TANC1: variants seen among roughly 807,000 people sequenced by gnomAD.
The protein encoded by TANC1 is tetratricopeptide repeat, ankyrin repeat and coiled-coil containing 1, also known as protein TANC1.
In TANC1, 77 loss-of-function variants were observed where a neutral mutation model predicts 149.7. That is an observed-to-expected ratio of 0.51 (90% confidence interval 0.43 to 0.62). The LOEUF is 0.62. TANC1 is among the 20% of genes least tolerant of loss of function. TANC1 has a pLI of 0.00. For missense variants in TANC1, 1,985 were observed against 2,321.8 expected (o/e 0.85, Z 2.98); for synonymous variants, 854 against 925.0 (o/e 0.92, Z 1.39).
At chr2:159,163,014 G>A (rs2054199575) in intron 7 of TANC1, among the ~76,000 whole-genome samples, 1 of 152,192 alleles carries the variant, frequency 6.6e-6, no homozygotes, top group African/African-American at 2.4e-5. Context: ...TCTTAACTCT[G>A]ATACTTTTTA....
intron 15 of TANC1, 151 bp downstream of exon 15, chr2:159,186,050 T>C: frequency 1.6e-6 from 1 of 635,036 alleles, no homozygotes; most frequent in Non-Finnish European, 2.8e-6. Context: ...TCTCCAAAAG[T>C]AACCGCTGTT....
chr2:159,176,606 T>C, intron 13 of TANC1, 88 bp downstream of exon 13: 1 of 1,032,896 alleles, frequency 9.7e-7, no homozygotes, highest in Non-Finnish European at 1.4e-6. Flanking sequence ...TTGTAAACCA[T>C]TCAGCTGCTT....
Position 159,024,666 on chromosome 2 carries a change from G to A in TANC1, c.-16+23477G>A, listed in dbSNP as rs555783106. 2.9e-4 allele frequency among the ~76,000 whole-genome samples: 44 copies of A among 151,740 alleles called. No homozygotes were observed. In the South Asian group the frequency reaches 4.4e-3, roughly 15 times the overall value. On this transcript the variant is annotated intron_variant, in intron 2 of 26. Coordinates refer to ENST00000263635, the MANE Select transcript of TANC1 (RefSeq NM_033394.3). ...CTCAGGAGGCTGAGGCAGGAGAATC[G>A]CTTGAATCCGGGAGGCAGAGGCTGT...
At chr2:159,202,664 T>C (rs1282369511) in intron 19 of TANC1, among the ~76,000 whole-genome samples, 1 of 152,070 alleles carries the variant, frequency 6.6e-6, no homozygotes, top group Non-Finnish European at 1.5e-5. Flanking sequence ...TCAGAGCAGA[T>C]GATGAATGCC....
intron 3 of TANC1, among the ~76,000 whole-genome samples, chr2:159,094,642 G>A (rs535584353): frequency 1.4e-4 from 21 of 152,254 alleles, no homozygotes; most frequent in African/African-American, 4.3e-4. Flanking sequence ...CGAAAGCCTC[G>A]AGGTGGTTTC....
chr2:159,127,255 A>G (rs757965424), intron 4 of TANC1, among the ~76,000 whole-genome samples: 1 of 152,260 alleles, frequency 6.6e-6, no homozygotes, highest in Non-Finnish European at 1.5e-5. Flanking sequence ...AATCAGAACC[A>G]CAATGAGATA....
intron 2 of TANC1, among the ~76,000 whole-genome samples, chr2:159,037,842 T>A (rs1055665493): frequency 3.3e-5 from 5 of 152,242 alleles, no homozygotes; most frequent in Non-Finnish European, 7.3e-5. Context: ...ATGGAGGCTC[T>A]TTTTTAGTTC....
At chr2:158,983,599 C>G (rs1047751260) in intron 1 of TANC1, among the ~76,000 whole-genome samples, 10 of 151,726 alleles carry the variant, frequency 6.6e-5, no homozygotes, top group Non-Finnish European at 1.3e-4. Context: ...TTTACTGAGA[C>G]TGACAACATG....
chr2:159,036,339 C>T (rs891268137), intron 2 of TANC1, among the ~76,000 whole-genome samples: 22 of 152,206 alleles, frequency 1.4e-4, no homozygotes, highest in African/African-American at 3.6e-4. Flanking sequence ...TGTCGCTGAA[C>T]GTGAGTTGAG....
chr2:159,007,250 G>A (rs1345701433), intron 2 of TANC1, among the ~76,000 whole-genome samples: 1 of 147,084 alleles, frequency 6.8e-6, no homozygotes, highest in Non-Finnish European at 1.5e-5. Context: ...TGGTTCAAGC[G>A]ATTCTTCTGC....
At chr2:159,207,483 C>T (rs112123194) in intron 19 of TANC1, among the ~76,000 whole-genome samples, 26,033 of 151,850 alleles carry the variant, frequency 0.17, 2,939 homozygotes, top group Non-Finnish European at 0.26. Context: ...GGGTGGATCA[C>T]GAGGTCAGGA....
intron 18 of TANC1, among the ~76,000 whole-genome samples, chr2:159,197,886 A>G (rs977995103): frequency 1.3e-5 from 2 of 152,208 alleles, no homozygotes; most frequent in African/African-American, 4.8e-5. Flanking sequence ...ATTATCACAA[A>G]TAGATGCAAC....
At chr2:159,058,435 A>G (rs2149642151) in intron 2 of TANC1, among the ~76,000 whole-genome samples, 1 of 147,832 alleles carries the variant, frequency 6.8e-6, no homozygotes, top group South Asian at 2.2e-4. Flanking sequence ...TTTCCCTTCC[A>G]TAATAACCCT....
intron 19 of TANC1, among the ~76,000 whole-genome samples, chr2:159,207,041 G>T (rs2058654678): frequency 6.6e-6 from 1 of 152,176 alleles, no homozygotes; most frequent in Non-Finnish European, 1.5e-5. Context: ...TTTTTAAATT[G>T]AGGTTACATT....
intron 5 of TANC1, among the ~76,000 whole-genome samples, chr2:159,142,521 C>A (rs1054651350): frequency 6.6e-6 from 1 of 152,130 alleles, no homozygotes; most frequent in Non-Finnish European, 1.5e-5. Flanking sequence ...CCCTTGGAGA[C>A]CCATCTTTTT....
intron 2 of TANC1, chr2:159,056,856 T>C: frequency 3.1e-6 from 1 of 324,264 alleles, no homozygotes; most frequent in Admixed American, 2.7e-5. Context: ...TTGGCTTCAA[T>C]CATAGGAGTT....
At chr2:159,022,665 G>C (rs539678915) in intron 2 of TANC1, among the ~76,000 whole-genome samples, 47 of 152,258 alleles carry the variant, frequency 3.1e-4, no homozygotes, top group African/African-American at 8.2e-4. Flanking sequence ...TTGAACCCAG[G>C]AGGTGAAGGT....
rs190523361 is a variant in TANC1, at chr2:159,046,398, C to T, written c.-15-19498C>T. On this transcript the variant is annotated intron_variant, in intron 2 of 26. Coordinates refer to ENST00000263635, the MANE Select transcript of TANC1 (RefSeq NM_033394.3). ...AGGAGGGACTGACCCTACAGATGGCCTGTCTCCTGGTTTCCTTCGCCTCAA... is the reference window on the plus strand; with the variant it reads ...AGGAGGGACTGACCCTACAGATGGCTTGTCTCCTGGTTTCCTTCGCCTCAA... Among the ~76,000 whole-genome samples the T allele has an allele frequency of 3.9e-4, 59 of 152,172 alleles. No homozygotes were observed. The East Asian group carries it at 7.0e-3, about 18-fold the overall frequency.
chr2:159,205,225 G>A (rs889622832), intron 19 of TANC1, among the ~76,000 whole-genome samples: 16 of 152,220 alleles, frequency 1.1e-4, no homozygotes, highest in Admixed American at 7.9e-4. Context: ...GGCCCCAGGC[G>A]TGGACGGTGG....
Sources: allele counts gnomAD v4.1 joint callset (sites outside exome capture counted in the v4.1 genomes callset), GRCh38; gene constraint gnomAD v4.1.1; transcripts MANE v1.5; gene names NCBI Gene and HGNC (gene_info 2026-07-23, HGNC 2026-07-21).